ANKFN1: variants seen among roughly 807,000 people sequenced by gnomAD.
The protein encoded by ANKFN1 is ankyrin repeat and fibronectin type-III domain-containing protein 1.
A neutral mutation model predicts 108.7 loss-of-function variants in ANKFN1; 74 were observed. The observed-to-expected ratio is 0.68, with a 90% CI of 0.56 to 0.83. The LOEUF is 0.83. ANKFN1 is among the 40% of genes least tolerant of loss of function. ANKFN1 has a pLI of 0.00. For synonymous variants in ANKFN1, 547 were observed against 516.2 expected (o/e 1.06, Z -0.81); for missense variants, 1,505 against 1,382.3 (o/e 1.09, Z -1.41).
At chr17:56,504,009 C>T (rs1042215065) in intron 20 of ANKFN1, among the ~76,000 whole-genome samples, 4 of 152,218 alleles carry the variant, frequency 2.6e-5, no homozygotes, top group African/African-American at 9.6e-5. Context: ...CATTCTTTTC[C>T]AGGAAGGGAG....
At chr17:56,264,656 G>T (rs2043603419) in intron 3 of ANKFN1, among the ~76,000 whole-genome samples, 3 of 152,130 alleles carry the variant, frequency 2.0e-5, no homozygotes, top group African/African-American at 7.2e-5. Context: ...TCAGCATAGT[G>T]AGCATAGAGC....
chr17:56,446,390 A>T (rs1444094011), intron 10 of ANKFN1, among the ~76,000 whole-genome samples: 1 of 152,220 alleles, frequency 6.6e-6, no homozygotes, highest in African/African-American at 2.4e-5. Flanking sequence ...GCCTTTGGGA[A>T]TCTATGACAG....
At chr17:56,103,542 C>T (rs916427868) in intron 4 of ANKFN1, among the ~76,000 whole-genome samples, 6 of 152,270 alleles carry the variant, frequency 3.9e-5, no homozygotes, top group African/African-American at 1.2e-4. Flanking sequence ...AGTGCTCCAC[C>T]GAGTCCCATT....
intron 3 of ANKFN1, among the ~76,000 whole-genome samples, chr17:56,301,893 G>A (rs1461684589): frequency 1.3e-5 from 2 of 152,154 alleles, no homozygotes; most frequent in African/African-American, 4.8e-5. Context: ...GGGCCAGGTG[G>A]ATATCAAGGT....
intron 6 of ANKFN1, among the ~76,000 whole-genome samples, chr17:56,361,723 T>G (rs1193640639): frequency 3.3e-5 from 5 of 152,018 alleles, no homozygotes; most frequent in African/African-American, 1.2e-4. Flanking sequence ...TGTGACTCCA[T>G]GAGATTGCTG....
chr17:56,274,925 T>C (rs2043885754), intron 3 of ANKFN1, among the ~76,000 whole-genome samples: 1 of 152,232 alleles, frequency 6.6e-6, no homozygotes, highest in African/African-American at 2.4e-5. Context: ...CTTGCGGTTA[T>C]CACTTAAGCT....
intron 18 of ANKFN1, among the ~76,000 whole-genome samples, chr17:56,485,274 A>G (rs761506687): frequency 3.9e-5 from 6 of 152,216 alleles, no homozygotes; most frequent in Admixed American, 1.3e-4. Context: ...AGGAAAATAA[A>G]TCTGGCTAAG....
intron 1 of ANKFN1, among the ~76,000 whole-genome samples, chr17:56,169,285 T>C (rs1475085329): frequency 1.3e-5 from 2 of 152,130 alleles, no homozygotes; most frequent in African/African-American, 4.8e-5. Flanking sequence ...TTATTATTTT[T>C]TTTTTCAGAG....
At position 56,513,387 on chromosome 17, in the gene ANKFN1, C is replaced by T. The variant is rs1222470979; in HGVS notation, c.*2118C>T. Among the ~76,000 whole-genome samples, 1 of 152,212 alleles carries T rather than the reference C, an allele frequency of 6.6e-6. No individual in the cohort carries two copies. Among genetic ancestry groups the T allele is most frequent in the Admixed American group, 6.5e-5 (1 of 15,278 alleles). ...TAAACAGCAAATTTGGGAAAAACAT[C>T]ATTTCAAATTATGCCTCTTAGTTAA... On this transcript the variant is annotated 3_prime_UTR_variant, in exon 21 of 21. Transcript: ENST00000682825.
chr17:56,185,114 G>C (rs907397356), intron 1 of ANKFN1: 2 of 152,016 alleles, frequency 1.3e-5, no homozygotes, highest in African/African-American at 4.8e-5. Flanking sequence ...AGTTCACCTT[G>C]TACCACCTTG....
intron 6 of ANKFN1, among the ~76,000 whole-genome samples, chr17:56,359,334 T>C (rs576913393): frequency 3.3e-5 from 5 of 152,338 alleles, no homozygotes; most frequent in Non-Finnish European, 7.4e-5. Context: ...AATGCTGTTA[T>C]TGTTTTCCAG....
intron 18 of ANKFN1, among the ~76,000 whole-genome samples, chr17:56,489,663 A>C (rs1217894398): frequency 2.0e-5 from 3 of 152,162 alleles, no homozygotes; most frequent in African/African-American, 7.2e-5. Flanking sequence ...TTTCTTTTAA[A>C]GAAGTTATTC....
intron 8 of ANKFN1, among the ~76,000 whole-genome samples, chr17:56,412,044 G>T (rs2048109181): frequency 6.6e-6 from 1 of 152,128 alleles, no homozygotes. Context: ...TTTTTTGGAA[G>T]AGTTTAAGAA....
chr17:56,221,931 T>C (rs2143871076), intron 2 of ANKFN1, among the ~76,000 whole-genome samples: 1 of 152,294 alleles, frequency 6.6e-6, no homozygotes, highest in African/African-American at 2.4e-5. Context: ...TCTTTTTCTC[T>C]TCAGTCCAAG....
intron 1 of ANKFN1, chr17:56,174,210 G>C (rs957492472): frequency 1.0e-6 from 1 of 985,610 alleles, no homozygotes; most frequent in Non-Finnish European, 1.2e-6. Flanking sequence ...GATGCCTGCA[G>C]GGTTCTCTCT....
At chr17:56,323,118 T>C (rs967352376) in intron 3 of ANKFN1, 2 of 152,166 alleles carry the variant, frequency 1.3e-5, no homozygotes, top group African/African-American at 4.8e-5. Context: ...GTTAAATAAC[T>C]GTGGGGGTGG....
intron 8 of ANKFN1, among the ~76,000 whole-genome samples, chr17:56,429,827 G>A (rs1239865176): frequency 6.6e-6 from 1 of 152,222 alleles, no homozygotes; most frequent in Non-Finnish European, 1.5e-5. Flanking sequence ...TAGTGGCTTG[G>A]ATTAGGGTAA....
chr17:56,301,272 C>A (rs1034335443), intron 3 of ANKFN1, among the ~76,000 whole-genome samples: 9 of 152,220 alleles, frequency 5.9e-5, no homozygotes, highest in Non-Finnish European at 1.3e-4. Context: ...CCACCCTCAG[C>A]TGGCATTCAT....
chr17:56,502,942 T>G (rs553702278), intron 20 of ANKFN1, among the ~76,000 whole-genome samples: 18 of 152,140 alleles, frequency 1.2e-4, no homozygotes, highest in Non-Finnish European at 2.4e-4. Context: ...TTCTGTGTGG[T>G]TTTCAAAACA....
Sources: allele counts gnomAD v4.1 joint callset (sites outside exome capture counted in the v4.1 genomes callset), GRCh38; gene constraint gnomAD v4.1.1; transcripts MANE v1.5; gene names NCBI Gene and HGNC (gene_info 2026-07-23, HGNC 2026-07-21).